PTPRD: variants seen among roughly 807,000 people sequenced by gnomAD.
PTPRD encodes the protein receptor-type tyrosine-protein phosphatase delta.
A neutral mutation model predicts 214.5 loss-of-function variants in PTPRD; 34 were observed. The observed-to-expected ratio is 0.16, with a 90% CI of 0.12 to 0.21. PTPRD has a LOEUF of 0.21. PTPRD is among the 10% of genes least tolerant of loss of function. The pLI is 1.00. For missense variants in PTPRD, 2,545 were observed against 2,398.7 expected (o/e 1.06, Z -1.27); for synonymous variants, 1,128 against 845.7 (o/e 1.33, Z -5.79).
chr9:9,425,625 G>A (rs2080567700), intron 8 of PTPRD, among the ~76,000 whole-genome samples: 1 of 151,400 alleles, frequency 6.6e-6, no homozygotes, highest in Non-Finnish European at 1.5e-5. Context: ...CAGGTACAGA[G>A]AAAAGAGTAA....
At chr9:9,744,079 C>A (rs890330799) in intron 6 of PTPRD, among the ~76,000 whole-genome samples, 4 of 151,954 alleles carry the variant, frequency 2.6e-5, no homozygotes, top group Non-Finnish European at 5.9e-5. Context: ...TTTCTTTAAG[C>A]CTAGGAATTT....
intron 41 of PTPRD, 49 bp from the exon 42 acceptor site, chr9:8,340,518 G>A (rs375352369): frequency 2.7e-6 from 4 of 1,480,440 alleles, no homozygotes; most frequent in East Asian, 2.3e-5. Context: ...TAGAGAACAT[G>A]CAAAAGCTCA....
chr9:10,040,461 G>T (rs1483505839), intron 3 of PTPRD, among the ~76,000 whole-genome samples: 2 of 152,016 alleles, frequency 1.3e-5, no homozygotes, highest in African/African-American at 4.8e-5. Context: ...TAACCTAATT[G>T]CCACTACCCT....
At chr9:8,958,625 C>T (rs572463900) in intron 11 of PTPRD, 48 of 151,956 alleles carry the variant, frequency 3.2e-4, no homozygotes, top group African/African-American at 6.7e-4. Flanking sequence ...ATTTGAGAAA[C>T]GGACACATAG....
At chr9:9,566,145 C>G (rs190975861) in intron 8 of PTPRD, among the ~76,000 whole-genome samples, 18 of 151,878 alleles carry the variant, frequency 1.2e-4, no homozygotes, top group Non-Finnish European at 2.7e-4. Context: ...TTTTCCAGTA[C>G]TTATTAAAAT....
chr9:8,901,388 G>T (rs1041518012), intron 11 of PTPRD, among the ~76,000 whole-genome samples: 1 of 152,258 alleles, frequency 6.6e-6, no homozygotes, highest in Non-Finnish European at 1.5e-5. Flanking sequence ...TGAATGACTA[G>T]TCATAAATAT....
intron 8 of PTPRD, among the ~76,000 whole-genome samples, chr9:9,412,961 G>A (rs2141999434): frequency 6.6e-6 from 1 of 152,164 alleles, no homozygotes; most frequent in African/African-American, 2.4e-5. Context: ...AGTTTTGGCA[G>A]TGGAACTTAG....
At chr9:9,506,865 A>T (rs2096582698) in intron 8 of PTPRD, among the ~76,000 whole-genome samples, 2 of 151,428 alleles carry the variant, frequency 1.3e-5, no homozygotes, top group Admixed American at 1.3e-4. Context: ...CTTGTTAACA[A>T]GGCTGGTTAA....
At chr9:9,598,721 A>G (rs2093549480) in intron 7 of PTPRD, among the ~76,000 whole-genome samples, 1 of 152,012 alleles carries the variant, frequency 6.6e-6, no homozygotes, top group Admixed American at 6.6e-5. Flanking sequence ...CATTATTGGT[A>G]AGCATAACTT....
intron 8 of PTPRD, among the ~76,000 whole-genome samples, chr9:9,526,533 G>A (rs1452545461): frequency 1.3e-5 from 2 of 152,124 alleles, no homozygotes; most frequent in African/African-American, 2.4e-5. Flanking sequence ...TTATGCAGAT[G>A]CTTTACTATA....
At chr9:10,074,963 T>C (rs12552628) in intron 3 of PTPRD, among the ~76,000 whole-genome samples, 5,490 of 152,260 alleles carry the variant, frequency 0.036, 172 homozygotes, top group Admixed American at 0.093. Flanking sequence ...GATTTAGGTG[T>C]CCTTTCCTTT....
intron 2 of PTPRD, among the ~76,000 whole-genome samples, chr9:10,481,335 C>T (rs752442411): frequency 6.6e-6 from 1 of 152,006 alleles, no homozygotes. Flanking sequence ...CAAAAAATAT[C>T]CTATTGGATT....
intron 33 of PTPRD, among the ~76,000 whole-genome samples, chr9:8,450,550 G>C (rs1293885478): frequency 6.6e-6 from 1 of 152,182 alleles, no homozygotes; most frequent in Non-Finnish European, 1.5e-5. Context: ...CTGGTGGGTA[G>C]ATCAGCGCTC....
At chr9:10,238,516 C>T (rs1181083460) in intron 3 of PTPRD, among the ~76,000 whole-genome samples, 1 of 151,824 alleles carries the variant, frequency 6.6e-6, no homozygotes, top group East Asian at 1.9e-4. Context: ...GCAATTCTTG[C>T]TTCCAAAATA....
intron 2 of PTPRD, among the ~76,000 whole-genome samples, chr9:10,435,371 C>T (rs1437782612): frequency 6.6e-6 from 1 of 151,798 alleles, no homozygotes; most frequent in African/African-American, 2.4e-5. Flanking sequence ...GCATTTAGCC[C>T]TCGTTTTCAC....
chr9:9,168,500 T>G (rs1261734134), intron 10 of PTPRD, among the ~76,000 whole-genome samples: 1 of 152,158 alleles, frequency 6.6e-6, no homozygotes, highest in African/African-American at 2.4e-5. Flanking sequence ...AATTAAAATA[T>G]CCCATGGTGT....
chr9:8,750,685 G>A (rs1008692270), intron 11 of PTPRD, among the ~76,000 whole-genome samples: 1 of 152,280 alleles, frequency 6.6e-6, no homozygotes, highest in Non-Finnish European at 1.5e-5. Context: ...GGCAGAGGCT[G>A]GGATGCAGGA....
intron 3 of PTPRD, among the ~76,000 whole-genome samples, chr9:10,252,366 A>C (rs991968726): frequency 6.6e-6 from 1 of 152,108 alleles, no homozygotes; most frequent in Non-Finnish European, 1.5e-5. Context: ...ATCACAGGCC[A>C]CAAGTAGAGG....
At chr9:8,690,702 C>G (rs2097784934) in intron 12 of PTPRD, among the ~76,000 whole-genome samples, 1 of 151,560 alleles carries the variant, frequency 6.6e-6, no homozygotes, top group South Asian at 2.1e-4. Flanking sequence ...GAATGAAAAA[C>G]AAAAAATGTA....
Sources: gnomAD v4.1 joint callset for allele counts (sites outside exome capture counted in the v4.1 genomes callset) on GRCh38, gnomAD v4.1.1 for gene constraint, MANE v1.5 for transcripts, NCBI Gene and HGNC (gene_info 2026-07-23, HGNC 2026-07-21) for gene names.